Variants in ARHGEF28 observed in about 807,000 individuals in gnomAD.
ARHGEF28 encodes the protein Rho guanine nucleotide exchange factor 28, also known as 190 kDa guanine nucleotide exchange factor.
In ARHGEF28, 152 loss-of-function variants were observed where a neutral mutation model predicts 206.6. That is an observed-to-expected ratio of 0.74 (90% CI 0.64 to 0.84). The LOEUF is 0.84. Among genes scored for constraint, ARHGEF28 ranks in the 40% least tolerant of loss-of-function variants. The pLI is 0.00. For missense variants in ARHGEF28, 2,028 were observed against 2,073.2 expected (o/e 0.98, Z 0.42); for synonymous variants, 763 against 776.4 (o/e 0.98, Z 0.29).
chr5:73,883,465 T>A (rs1561483775), intron 23 of ARHGEF28, among the ~76,000 whole-genome samples: 1 of 152,214 alleles, frequency 6.6e-6, no homozygotes, highest in Non-Finnish European at 1.5e-5. Context: ...TGATTTATGA[T>A]TATTTTTCAA....
At chr5:73,667,769 AAT>A (rs1290555927) in intron 1 of ARHGEF28, among the ~76,000 whole-genome samples, 6 of 152,218 alleles carry the variant, frequency 3.9e-5, no homozygotes, top group African/African-American at 1.4e-4. Context: ...TGGCCAAAGG[AAT>A]ATTATGCTGC....
At chr5:73,872,124 C>T (rs1291740848) in intron 21 of ARHGEF28, among the ~76,000 whole-genome samples, 1 of 152,162 alleles carries the variant, frequency 6.6e-6, no homozygotes, top group Non-Finnish European at 1.5e-5. Flanking sequence ...ATGAGGGTTC[C>T]AGTTTCTCCA....
chr5:73,734,496 A>G (rs1750799534), intron 2 of ARHGEF28, among the ~76,000 whole-genome samples: 1 of 152,206 alleles, frequency 6.6e-6, no homozygotes, highest in East Asian at 1.9e-4. Flanking sequence ...TGCATTAAAG[A>G]GGAAGGAAGA....
chr5:73,916,074 A>T (rs1253071378), intron 35 of ARHGEF28, among the ~76,000 whole-genome samples: 2 of 152,162 alleles, frequency 1.3e-5, no homozygotes, highest in African/African-American at 2.4e-5. Flanking sequence ...ATTTTTTTTT[A>T]AAAGACAGCT....
chr5:73,647,819 A>G (rs144594202), intron 1 of ARHGEF28, among the ~76,000 whole-genome samples: 1,036 of 152,288 alleles, frequency 6.8e-3, no homozygotes, highest in Non-Finnish European at 0.011. Context: ...CTCTACTCCT[A>G]CCTGTCCCAA....
chr5:73,828,930 C>T (rs1328698397), intron 9 of ARHGEF28, among the ~76,000 whole-genome samples: 1 of 152,120 alleles, frequency 6.6e-6, no homozygotes, highest in Non-Finnish European at 1.5e-5. Context: ...AAGCAATCCT[C>T]TCACTTCAGC....
At chr5:73,921,554 G>A (rs903346243) in intron 35 of ARHGEF28, among the ~76,000 whole-genome samples, 1 of 152,204 alleles carries the variant, frequency 6.6e-6, no homozygotes, top group Admixed American at 6.5e-5. Context: ...CTTCCAAAGG[G>A]TGTAGTTATG....
chr5:73,694,404 A>G (rs1748050112), intron 2 of ARHGEF28, among the ~76,000 whole-genome samples: 2 of 152,140 alleles, frequency 1.3e-5, no homozygotes, highest in African/African-American at 2.4e-5. Context: ...AGCTCCCACA[A>G]TTTGGGTGGT....
At chr5:73,863,361 A>T (rs1314629654) in intron 16 of ARHGEF28, 3 of 152,048 alleles carry the variant, frequency 2.0e-5, no homozygotes, top group Admixed American at 6.6e-5. Flanking sequence ...TCCTTGGGTA[A>T]GTATGATTTC....
chr5:73,750,399 A>G (rs536738882), intron 3 of ARHGEF28, among the ~76,000 whole-genome samples: 7 of 152,148 alleles, frequency 4.6e-5, no homozygotes, highest in Non-Finnish European at 7.4e-5. Flanking sequence ...TTCTTCTGTA[A>G]GCAGCCTGGC....
intron 2 of ARHGEF28, among the ~76,000 whole-genome samples, chr5:73,740,812 A>G (rs1751336459): frequency 6.6e-6 from 1 of 152,182 alleles, no homozygotes; most frequent in African/African-American, 2.4e-5. Context: ...GAGCTGGACC[A>G]TACTCACTCT....
At chr5:73,893,727 T>G (rs1761789539) in intron 28 of ARHGEF28, among the ~76,000 whole-genome samples, 1 of 152,066 alleles carries the variant, frequency 6.6e-6, no homozygotes, top group African/African-American at 2.4e-5. Context: ...AGTTGAGAGG[T>G]CTTTAAAAAT....
intron 1 of ARHGEF28, among the ~76,000 whole-genome samples, chr5:73,661,351 A>G (rs1358908804): frequency 2.0e-5 from 3 of 152,260 alleles, no homozygotes; most frequent in South Asian, 4.2e-4. Flanking sequence ...GGAATGTTGT[A>G]TCTAGTTTGA....
chr5:73,909,385 T>A, intron 33 of ARHGEF28, 27 bp from the exon 34 acceptor site: 7 of 1,566,632 alleles, frequency 4.5e-6, no homozygotes, highest in Non-Finnish European at 6.1e-6. Context: ...TTGTGTTCAG[T>A]GATTTTTCCT....
intron 26 of ARHGEF28, among the ~76,000 whole-genome samples, chr5:73,891,793 G>A (rs1176377371): frequency 6.6e-6 from 1 of 152,084 alleles, no homozygotes; most frequent in Non-Finnish European, 1.5e-5. Context: ...CCAAAGTGCT[G>A]GGATTACAGG....
chr5:73,731,922 T>C (rs1750643204), intron 2 of ARHGEF28, among the ~76,000 whole-genome samples: 1 of 152,092 alleles, frequency 6.6e-6, no homozygotes, highest in Non-Finnish European at 1.5e-5. Flanking sequence ...GGTAAAATTG[T>C]TGAGATTGAG....
intron 2 of ARHGEF28, among the ~76,000 whole-genome samples, chr5:73,710,315 G>A (rs905688552): frequency 6.6e-6 from 1 of 152,166 alleles, no homozygotes; most frequent in Non-Finnish European, 1.5e-5. Flanking sequence ...GTAATGCTGA[G>A]TATCTTTTCA....
intron 1 of ARHGEF28, among the ~76,000 whole-genome samples, chr5:73,675,192 G>A (rs1019472097): frequency 6.6e-6 from 1 of 152,176 alleles, no homozygotes; most frequent in African/African-American, 2.4e-5. Context: ...TATGGGAATT[G>A]GAGGACACCC....
Position 73,753,197 on chromosome 5 carries a change from T to C in ARHGEF28, c.470T>C (p.Leu157Pro), listed in dbSNP as rs1247589109. Residue 157 changes from leucine (L) to proline (P), a missense_variant, in exon 4 of 36, where the codon CTT (leucine) becomes CCT (proline). Coordinates refer to ENST00000513042, the MANE Select transcript of ARHGEF28 (RefSeq NM_001177693.2). ...TGGACTGTGTTGGGAAGTTCTTCAC[T>C]TGAAGGTGGGTCATCACCAGAAAAT... ...LEWTVLGSSSLEVSSHRESLL... is the reference protein window; with the variant it reads ...LEWTVLGSSSPEVSSHRESLL... 6.6e-7 allele frequency: 1 copy of C among 1,519,460 alleles called. No homozygotes were observed. The highest frequency in any genetic ancestry group is 2.3e-5 in the East Asian group (1 of 44,054). The allele number at this position is 1,519,460 out of a possible 1,614,324, so 94.1% of individuals were successfully genotyped here.
Sources: allele counts gnomAD v4.1 joint callset (sites outside exome capture counted in the v4.1 genomes callset), GRCh38; gene constraint gnomAD v4.1.1; transcripts MANE v1.5; gene names NCBI Gene and HGNC (gene_info 2026-07-23, HGNC 2026-07-21).